Variants in GLIS1 observed in about 807,000 individuals in gnomAD.
GLIS1 encodes the protein zinc finger protein GLIS1.
GLIS1 carries 24 observed loss-of-function variants against 63.8 expected under a neutral mutation model. That is an observed-to-expected ratio of 0.38 (90% CI 0.27 to 0.53). The LOEUF (loss-of-function observed/expected upper bound fraction) is 0.53. Among genes scored for constraint, GLIS1 ranks in the 20% least tolerant of loss-of-function variants. The pLI is 0.85. For synonymous variants in GLIS1, 450 were observed against 482.5 expected, an observed-to-expected ratio of 0.93 and a Z score of 0.88; for missense variants, 1,036 against 1,074.1, an observed-to-expected ratio of 0.96 and a Z score of 0.50.
chr1:53,578,466 C>T (rs1381884798), intron 4 of GLIS1, among the ~76,000 whole-genome samples: 1 of 152,166 alleles, frequency 6.6e-6, no homozygotes, highest in Non-Finnish European at 1.5e-5. Flanking sequence ...ATAATGAACT[C>T]TCTCATTTTT....
At chr1:53,535,171 G>C (rs1644569984) in intron 4 of GLIS1, among the ~76,000 whole-genome samples, 1 of 152,062 alleles carries the variant, frequency 6.6e-6, no homozygotes, top group Non-Finnish European at 1.5e-5. Flanking sequence ...ACATGGGGTA[G>C]TGGTTCCTTC....
At chr1:53,552,155 T>A (rs1178634825) in intron 4 of GLIS1, among the ~76,000 whole-genome samples, 1 of 152,036 alleles carries the variant, frequency 6.6e-6, no homozygotes, top group Non-Finnish European at 1.5e-5. Context: ...ACACACTGAC[T>A]GTCACAGAAG....
chr1:53,525,846 C>A (rs752016396), intron 5 of GLIS1, among the ~76,000 whole-genome samples: 1 of 152,138 alleles, frequency 6.6e-6, no homozygotes, highest in Non-Finnish European at 1.5e-5. Context: ...ACCTCCTCCC[C>A]GGGCCAGAAC....
At chr1:53,642,776 C>T (rs895658977) in intron 2 of GLIS1, among the ~76,000 whole-genome samples, 6 of 152,192 alleles carry the variant, frequency 3.9e-5, no homozygotes, top group African/African-American at 1.4e-4. Flanking sequence ...TCAGATTCAA[C>T]GTCACCTCCT....
In GLIS1 at chr1:53,560,768, G is replaced by A. The variant is rs1471561575; in HGVS notation, c.1321-30816C>T. ...GGTCTGCTCAGTGGATGCCTCAGAA[G>A]TGGCCCACGACAGTGGCGATGAGTC... On this transcript the variant is annotated intron_variant, in intron 4 of 10. Transcript: ENST00000628545. This position sits in a 1 kb window ranked among gnomAD's most constrained non-coding sequence, Gnocchi z 4.4. Among the ~76,000 whole-genome samples, 1 of 152,204 alleles carries A rather than the reference G, an allele frequency of 6.6e-6. No homozygotes were observed. Among genetic ancestry groups the A allele is most frequent in the Non-Finnish European group, 1.5e-5 (1 of 68,038 alleles).
intron 5 of GLIS1, among the ~76,000 whole-genome samples, chr1:53,529,278 C>T (rs1012497149): frequency 7.9e-5 from 12 of 152,288 alleles, no homozygotes; most frequent in African/African-American, 2.6e-4. Context: ...TAGGCACTGC[C>T]CACCTCCGCT....
At chr1:53,616,791 G>C (rs1391292755) in intron 2 of GLIS1, among the ~76,000 whole-genome samples, 1 of 152,178 alleles carries the variant, frequency 6.6e-6, no homozygotes, top group East Asian at 1.9e-4. Context: ...GGAGCAGACA[G>C]GGGCAAGAGT....
chr1:53,736,166 A>C (rs1390071540), intron 2 of GLIS1, among the ~76,000 whole-genome samples: 1 of 152,222 alleles, frequency 6.6e-6, no homozygotes, highest in African/African-American at 2.4e-5. Context: ...GTACAAAGAA[A>C]GAGGCTCTTC....
At chr1:53,729,630 A>T (rs1265548030) in intron 2 of GLIS1, among the ~76,000 whole-genome samples, 1 of 152,188 alleles carries the variant, frequency 6.6e-6, no homozygotes, top group Non-Finnish European at 1.5e-5. Context: ...ATAAATCAGA[A>T]GACGATGCCT....
At chr1:53,715,479 G>A (rs1014136705) in intron 2 of GLIS1, among the ~76,000 whole-genome samples, 4 of 152,256 alleles carry the variant, frequency 2.6e-5, no homozygotes, top group South Asian at 2.1e-4. Flanking sequence ...AACAGAGGGC[G>A]GACAGAGGGC....
At chr1:53,616,691 A>G (rs1276681047) in intron 2 of GLIS1, among the ~76,000 whole-genome samples, 1 of 152,028 alleles carries the variant, frequency 6.6e-6, no homozygotes, top group Non-Finnish European at 1.5e-5. Flanking sequence ...GGTAGCTCTG[A>G]GTGAGATAAT....
intron 2 of GLIS1, among the ~76,000 whole-genome samples, chr1:53,640,485 C>G (rs1231244345): frequency 6.6e-6 from 1 of 152,146 alleles, no homozygotes; most frequent in Non-Finnish European, 1.5e-5. Context: ...GGGGGCTGGA[C>G]AGTTGGGATC....
intron 7 of GLIS1, 104 bp from the exon 8 acceptor site, chr1:53,514,885 G>T: frequency 7.5e-7 from 1 of 1,337,202 alleles, no homozygotes; most frequent in Non-Finnish European, 1.0e-6. Context: ...ATAAAGACAA[G>T]AGGGAAAATG....
intron 4 of GLIS1, among the ~76,000 whole-genome samples, chr1:53,592,463 G>A (rs1484503853): frequency 6.6e-6 from 1 of 152,170 alleles, no homozygotes; most frequent in East Asian, 1.9e-4. Context: ...AAGAGAATAT[G>A]TGAAGGAGAA....
intron 4 of GLIS1, among the ~76,000 whole-genome samples, chr1:53,592,391 G>A (rs545175142): frequency 6.6e-6 from 1 of 152,178 alleles, no homozygotes; most frequent in Non-Finnish European, 1.5e-5. Flanking sequence ...TCTTGTCAAG[G>A]TTCCTTCGGG....
intron 4 of GLIS1, among the ~76,000 whole-genome samples, chr1:53,548,736 T>C (rs1266194636): frequency 6.6e-6 from 1 of 152,260 alleles, no homozygotes; most frequent in Admixed American, 6.5e-5. Flanking sequence ...TGGTCATCCA[T>C]GAACCTTCAA....
chr1:53,517,911 C>T (rs1445121120), intron 7 of GLIS1, among the ~76,000 whole-genome samples: 1 of 152,248 alleles, frequency 6.6e-6, no homozygotes, highest in Non-Finnish European at 1.5e-5. Context: ...TGTCAGCGAA[C>T]AGCAGATGGG....
intron 2 of GLIS1, among the ~76,000 whole-genome samples, chr1:53,718,779 G>A (rs1006900122): frequency 5.3e-5 from 8 of 152,002 alleles, no homozygotes; most frequent in African/African-American, 1.5e-4. Flanking sequence ...AACAATCCCC[G>A]AGACACTTTT....
At chr1:53,727,510 A>G (rs1480072550) in intron 2 of GLIS1, among the ~76,000 whole-genome samples, 1 of 152,252 alleles carries the variant, frequency 6.6e-6, no homozygotes, top group Non-Finnish European at 1.5e-5. Context: ...TTAAGCCACA[A>G]GATGAGACGC....
Sources: allele counts gnomAD v4.1 joint callset (sites outside exome capture counted in the v4.1 genomes callset), GRCh38; gene constraint gnomAD v4.1.1; non-coding constraint Gnocchi (gnomAD v3.1); transcripts MANE v1.5; gene names NCBI Gene and HGNC (gene_info 2026-07-23, HGNC 2026-07-21).